ALCAM: variants seen among roughly 807,000 people sequenced by gnomAD.
The protein encoded by ALCAM is activated leukocyte cell adhesion molecule, also known as CD166 antigen.
In ALCAM, 30 loss-of-function variants were observed where a neutral mutation model predicts 70.9. The ratio of observed to expected loss-of-function variants is 0.42; its 90% confidence interval spans 0.32 to 0.57. The LOEUF (loss-of-function observed/expected upper bound fraction) is 0.57, where lower values mean the gene tolerates loss of function less well. Ranked by LOEUF, ALCAM falls within the 20% of genes least tolerant of loss-of-function variation. ALCAM has a pLI of 0.11. For missense variants in ALCAM, 591 were observed against 695.1 expected (o/e 0.85, Z 1.68); for synonymous variants, 249 against 242.5 (o/e 1.03, Z -0.25).
intron 1 of ALCAM, among the ~76,000 whole-genome samples, chr3:105,491,601 A>G (rs1267932257): frequency 6.6e-6 from 1 of 152,190 alleles, no homozygotes; most frequent in African/African-American, 2.4e-5. Flanking sequence ...CTGGTTAGAA[A>G]TTTCTCCTGC....
intron 11 of ALCAM, among the ~76,000 whole-genome samples, chr3:105,548,592 A>G (rs3772547): frequency 0.1 from 15,241 of 151,418 alleles, 971 homozygotes; most frequent in Middle Eastern, 0.16. Context: ...TCTTTCAACT[A>G]TAGGTGATGC....
intron 1 of ALCAM, among the ~76,000 whole-genome samples, chr3:105,514,809 T>C (rs9851104): frequency 1.3e-5 from 2 of 151,654 alleles, no homozygotes; most frequent in Non-Finnish European, 2.9e-5. Context: ...TACATTATAA[T>C]GTATAACACT....
intron 1 of ALCAM, among the ~76,000 whole-genome samples, chr3:105,461,156 T>C (rs543484730): frequency 4.6e-5 from 7 of 151,854 alleles, no homozygotes; most frequent in African/African-American, 1.7e-4. Context: ...TGGGGGCTGA[T>C]AGGAATATGT....
chr3:105,405,164 C>A (rs1487089882), intron 1 of ALCAM, among the ~76,000 whole-genome samples: 2 of 150,754 alleles, frequency 1.3e-5, no homozygotes, highest in African/African-American at 4.9e-5. Flanking sequence ...GTAATCCCAG[C>A]TACTTGGCAG....
At chr3:105,429,116 A>T (rs1936864675) in intron 1 of ALCAM, among the ~76,000 whole-genome samples, 2 of 151,942 alleles carry the variant, frequency 1.3e-5, no homozygotes, top group African/African-American at 4.8e-5. Flanking sequence ...TTTAAACTCA[A>T]ATTCCATCTG....
intron 1 of ALCAM, 78 bp from the exon 2 acceptor site, chr3:105,519,989 T>C: frequency 1.1e-6 from 1 of 894,586 alleles, no homozygotes; most frequent in South Asian, 1.6e-5. Flanking sequence ...CTTGAAGTTA[T>C]TTGTCATTTC....
At chr3:105,520,037 C>T in intron 1 of ALCAM, 30 bp from the exon 2 acceptor site, 1 of 1,440,480 alleles carries the variant, frequency 6.9e-7, no homozygotes, top group Non-Finnish European at 9.5e-7. Flanking sequence ...CTCTCTTTCT[C>T]TCTTCTTCCT....
At chr3:105,395,534 C>T (rs983679518) in intron 1 of ALCAM, among the ~76,000 whole-genome samples, 31 of 152,054 alleles carry the variant, frequency 2.0e-4, no homozygotes, top group Non-Finnish European at 4.1e-4. Context: ...AGATTATTCC[C>T]ATGAAAATAT....
rs189797215 is a variant in ALCAM at position 105,527,333 on chromosome 3, G to A, written c.394+2825G>A. On this transcript the variant is annotated intron_variant, in intron 3 of 15. Coordinates refer to ENST00000306107, the MANE Select transcript of ALCAM (RefSeq NM_001627.4). ...TGGTGAGATGGAGCAGTCACTGAGC[G>A]GGTCACCAGGAGAACTTACTTTATG... is the stretch of plus-strand genomic sequence containing the variant. 2.7e-3 allele frequency among the ~76,000 whole-genome samples: 408 copies of A among 152,162 alleles called. 2 individuals are homozygous for A. Among genetic ancestry groups the A allele is most frequent in the African/African-American group, 9.1e-3 (377 of 41,516 alleles).
intron 14 of ALCAM, among the ~76,000 whole-genome samples, chr3:105,569,812 A>G (rs1940825101): frequency 6.6e-6 from 1 of 152,182 alleles, no homozygotes; most frequent in Non-Finnish European, 1.5e-5. Flanking sequence ...ATGGATGGAG[A>G]AATGAGCTAA....
intron 1 of ALCAM, among the ~76,000 whole-genome samples, chr3:105,390,052 T>G (rs1295389979): frequency 6.6e-6 from 1 of 151,926 alleles, no homozygotes; most frequent in East Asian, 1.9e-4. Flanking sequence ...ATCATACCTG[T>G]GCATGTATCT....
At position 105,576,288 on chromosome 3, in the gene ALCAM, G is replaced by A. The variant is rs886498602; in HGVS notation, c.*1837G>A. 3 of 152,426 alleles carry A rather than the reference G, an allele frequency of 2.0e-5. No individual in the cohort carries two copies. The highest frequency in any genetic ancestry group is 2.9e-5 in the Non-Finnish European group (2 of 67,972). 9.4% of individuals were successfully genotyped at this position (152,426 alleles called of 1,614,324 possible). ...ATTCTGTTATCTCTGTAAATACTGT[G>A]ATTTCTTTTTTATTTTCTCTTTAGA... is the stretch of plus-strand genomic sequence containing the variant. On this transcript the variant is annotated 3_prime_UTR_variant, in exon 16 of 16. Transcript: ENST00000306107.
chr3:105,402,294 TCAGA>T lies in ALCAM; in HGVS notation c.73+34822_73+34825del, dbSNP rs1386371822. 4.6e-5 allele frequency among the ~76,000 whole-genome samples: 7 copies of T among 152,276 alleles called. No individual in the cohort carries two copies. In the East Asian group the frequency reaches 1.4e-3, roughly 29 times the overall value. On this transcript the variant is annotated intron_variant, in intron 1 of 15. Transcript: ENST00000306107. ...GGCAGGACTAGCTTGTGGCTCCCAC[TCAGA>T]CAGACAGAGCAGTGTGTGGAGATTC...
intron 1 of ALCAM, among the ~76,000 whole-genome samples, chr3:105,368,945 G>T (rs990609065): frequency 6.6e-6 from 1 of 152,164 alleles, no homozygotes; most frequent in African/African-American, 2.4e-5. Flanking sequence ...TAAAGCAGGT[G>T]TCCTAGTGTA....
intron 1 of ALCAM, among the ~76,000 whole-genome samples, chr3:105,446,128 C>A (rs565021604): frequency 6.6e-6 from 1 of 151,994 alleles, no homozygotes; most frequent in South Asian, 2.1e-4. Flanking sequence ...AACTCAATAG[C>A]AAAAACCCAA....
chr3:105,468,260 G>C (rs910466666), intron 1 of ALCAM, among the ~76,000 whole-genome samples: 2 of 151,334 alleles, frequency 1.3e-5, no homozygotes, highest in Middle Eastern at 6.8e-3. Context: ...TATACAATAT[G>C]TAATAAAGCC....
At chr3:105,526,237 G>C (rs1386993565) in intron 3 of ALCAM, among the ~76,000 whole-genome samples, 1 of 149,528 alleles carries the variant, frequency 6.7e-6, no homozygotes, top group African/African-American at 2.5e-5. Flanking sequence ...AGAAAATTCA[G>C]TTTGTTTCAT....
At position 105,568,965 on chromosome 3, in the gene ALCAM, A is replaced by G. The variant is rs149079514; in HGVS notation, c.1665-2887A>G. 2.1e-3 allele frequency among the ~76,000 whole-genome samples: 318 copies of G among 152,266 alleles called. 3 individuals are homozygous for G. The highest frequency in any genetic ancestry group is 6.8e-3 in the African/African-American group (283 of 41,556). On this transcript the variant is annotated intron_variant, in intron 14 of 15. Coordinates refer to ENST00000306107, the MANE Select transcript of ALCAM (RefSeq NM_001627.4). ...GGTTGTGAAATCATTTGCACACTCAATGAGAATATGGCTTTATTCTTACCA... is the reference window on the plus strand; with the variant it reads ...GGTTGTGAAATCATTTGCACACTCAGTGAGAATATGGCTTTATTCTTACCA...
chr3:105,548,042 G>A lies in ALCAM; in HGVS notation c.1374+519G>A, dbSNP rs548609909. 4.0e-5 allele frequency among the ~76,000 whole-genome samples: 6 copies of A among 151,562 alleles called. 1 individual carries two copies. The South Asian group carries it at 1.0e-3, about 26-fold the overall frequency. On this transcript the variant is annotated intron_variant, in intron 11 of 15. Coordinates refer to ENST00000306107, the MANE Select transcript of ALCAM (RefSeq NM_001627.4). Reference sequence around the variant, plus strand: ...GGTCTGACATGCCTATGCAGTGCTAGGGCCAGAATAAGGCAAGCTACATAT... The same window carrying A: ...GGTCTGACATGCCTATGCAGTGCTAAGGCCAGAATAAGGCAAGCTACATAT...
Sources: allele counts gnomAD v4.1 joint callset (sites outside exome capture counted in the v4.1 genomes callset), GRCh38; gene constraint gnomAD v4.1.1; transcripts MANE v1.5; gene names NCBI Gene and HGNC (gene_info 2026-07-23, HGNC 2026-07-21).